Variants in PARD3B observed in about 807,000 individuals in gnomAD.
PARD3B encodes partitioning defective 3 homolog B.
A neutral mutation model predicts 130.2 loss-of-function variants in PARD3B; 103 were observed. The ratio of observed to expected loss-of-function variants is 0.79; its 90% CI spans 0.67 to 0.93. The LOEUF (loss-of-function observed/expected upper bound fraction) is 0.93, where lower values mean the gene tolerates loss of function less well. Ranked by LOEUF, PARD3B falls within the 40% of genes least tolerant of loss-of-function variation. PARD3B has a pLI of 0.00. For synonymous variants in PARD3B, 583 were observed against 553.2 expected, an observed-to-expected ratio of 1.05 and a Z score of -0.76; for missense variants, 1,609 against 1,499.2, an observed-to-expected ratio of 1.07 and a Z score of -1.21.
rs924107455 is a variant in PARD3B at position 205,292,844 on chromosome 2, T to A, written c.2186-7686T>A. Among the ~76,000 whole-genome samples the A allele has an allele frequency of 1.3e-5, 2 of 152,192 alleles. No homozygotes were observed. The highest frequency in any genetic ancestry group is 1.3e-4 in the Admixed American group (2 of 15,274). Reference sequence around the variant, plus strand: ...ATGTTAGTTATAGTCACATTTATCTTCCATTCCTCTTAGGACCAAGCACAG... The same window carrying A: ...ATGTTAGTTATAGTCACATTTATCTACCATTCCTCTTAGGACCAAGCACAG... On this transcript the variant is annotated intron_variant, in intron 16 of 22. Transcript: ENST00000406610. The surrounding 1 kb of genome is among the most constrained non-coding windows in gnomAD (Gnocchi z 5.3).
chr2:205,540,682 A>G (rs912356131), intron 21 of PARD3B, among the ~76,000 whole-genome samples: 8 of 152,224 alleles, frequency 5.3e-5, no homozygotes, highest in African/African-American at 1.7e-4. Context: ...AAATCATTGC[A>G]GAAACTTCCT....
At chr2:204,997,911 TATTA>T (rs1694366033) in intron 3 of PARD3B, among the ~76,000 whole-genome samples, 2 of 149,210 alleles carry the variant, frequency 1.3e-5, no homozygotes, top group South Asian at 4.2e-4. Context: ...TGTAGATATT[TATTA>T]TTTATATACT....
At chr2:205,596,380 C>T (rs1342379983) in intron 22 of PARD3B, among the ~76,000 whole-genome samples, 1 of 152,188 alleles carries the variant, frequency 6.6e-6, no homozygotes, top group African/African-American at 2.4e-5. Flanking sequence ...TATATAGAAT[C>T]TCTCATGCTG....
At chr2:205,353,132 G>A (rs1486916631) in intron 18 of PARD3B, among the ~76,000 whole-genome samples, 1 of 152,148 alleles carries the variant, frequency 6.6e-6, no homozygotes, top group East Asian at 1.9e-4. Flanking sequence ...TGGGAGTAAT[G>A]TGTTCCACAA....
intron 1 of PARD3B, among the ~76,000 whole-genome samples, chr2:204,644,866 G>T (rs1014145323): frequency 6.6e-6 from 1 of 152,080 alleles, no homozygotes; most frequent in Admixed American, 6.6e-5. Context: ...CAGAGAGCTA[G>T]AGAATAAACA....
chr2:205,315,222 C>A (rs1055737011), intron 18 of PARD3B, among the ~76,000 whole-genome samples: 22 of 152,120 alleles, frequency 1.4e-4, no homozygotes, highest in Non-Finnish European at 2.5e-4. Flanking sequence ...AGGCTCAAAT[C>A]CAGCTCTACT....
At chr2:204,796,986 C>T (rs1315138647) in intron 2 of PARD3B, among the ~76,000 whole-genome samples, 5 of 151,798 alleles carry the variant, frequency 3.3e-5, no homozygotes, top group Non-Finnish European at 7.4e-5. Flanking sequence ...ACCAGCCTGG[C>T]CAATATGGTG....
chr2:205,196,840 A>T (rs954923354), intron 15 of PARD3B, among the ~76,000 whole-genome samples: 2 of 152,108 alleles, frequency 1.3e-5, no homozygotes, highest in Non-Finnish European at 2.9e-5. Flanking sequence ...TCATGTCAGC[A>T]TCACCCCATT....
intron 16 of PARD3B, among the ~76,000 whole-genome samples, chr2:205,295,736 G>C (rs1193567717): frequency 6.6e-6 from 1 of 152,108 alleles, no homozygotes; most frequent in African/African-American, 2.4e-5. Flanking sequence ...AAAGTGGGAA[G>C]TTCAAACATT....
At chr2:205,234,942 G>A (rs1468050560) in intron 15 of PARD3B, among the ~76,000 whole-genome samples, 5 of 151,934 alleles carry the variant, frequency 3.3e-5, no homozygotes, top group African/African-American at 4.8e-5. Context: ...AATAACACAT[G>A]GATCAAAGAA....
At chr2:204,557,038 G>T (rs2030974805) in intron 1 of PARD3B, among the ~76,000 whole-genome samples, 1 of 150,654 alleles carries the variant, frequency 6.6e-6, no homozygotes, top group Non-Finnish European at 1.5e-5. Context: ...GTCTCACCCA[G>T]GGGCTTTTCA....
chr2:204,566,450 T>C (rs559442536), intron 1 of PARD3B, among the ~76,000 whole-genome samples: 1 of 152,342 alleles, frequency 6.6e-6, no homozygotes, highest in African/African-American at 2.4e-5. Flanking sequence ...TGTGTGTTTT[T>C]CTCCAGCTAA....
chr2:205,415,651 A>C (rs1055886111), intron 19 of PARD3B, among the ~76,000 whole-genome samples: 4 of 152,184 alleles, frequency 2.6e-5, no homozygotes, highest in Non-Finnish European at 5.9e-5. Flanking sequence ...ATCAATTTGA[A>C]ATAACCACCT....
At chr2:205,226,751 G>A (rs1276243046) in intron 15 of PARD3B, among the ~76,000 whole-genome samples, 1 of 152,100 alleles carries the variant, frequency 6.6e-6, no homozygotes, top group Non-Finnish European at 1.5e-5. Flanking sequence ...ATGCTGTTCT[G>A]ATTACTTTAG....
chr2:205,038,508 T>G (rs1429364634), intron 3 of PARD3B, among the ~76,000 whole-genome samples: 1 of 152,126 alleles, frequency 6.6e-6, no homozygotes, highest in Non-Finnish European at 1.5e-5. Context: ...AATTGCAGAT[T>G]TGTGAATACA....
At chr2:205,099,801 A>G (rs546447383) in intron 4 of PARD3B, among the ~76,000 whole-genome samples, 1 of 152,318 alleles carries the variant, frequency 6.6e-6, no homozygotes, top group East Asian at 1.9e-4. Flanking sequence ...TTGGCAAGTG[A>G]TAAACACTGC....
chr2:204,812,725 C>A (rs1399998333), intron 2 of PARD3B, among the ~76,000 whole-genome samples: 1 of 152,188 alleles, frequency 6.6e-6, no homozygotes, highest in African/African-American at 2.4e-5. Flanking sequence ...GCACGTGCTA[C>A]AGCCCACTTG....
intron 15 of PARD3B, among the ~76,000 whole-genome samples, chr2:205,243,807 T>C (rs1241179383): frequency 6.6e-6 from 1 of 152,180 alleles, no homozygotes; most frequent in Non-Finnish European, 1.5e-5. Context: ...ATAAGGATAG[T>C]AATAATAATA....
chr2:205,144,500 A>G (rs908123869), intron 10 of PARD3B, among the ~76,000 whole-genome samples: 15 of 152,222 alleles, frequency 9.9e-5, no homozygotes, highest in African/African-American at 3.1e-4. Flanking sequence ...GTATGATGAT[A>G]GGAAGATATA....
Sources: allele counts gnomAD v4.1 joint callset (sites outside exome capture counted in the v4.1 genomes callset), GRCh38; gene constraint gnomAD v4.1.1; non-coding constraint Gnocchi (gnomAD v3.1); transcripts MANE v1.5; gene names NCBI Gene and HGNC (gene_info 2026-07-23, HGNC 2026-07-21).